GARIN1B: variants seen among roughly 807,000 people sequenced by gnomAD.
GARIN1B encodes golgi associated RAB2 interactor 1B, also known as Golgi-associated RAB2 interactor protein 1B.
the GARIN1B span, chr7:128,719,194 C>G: frequency 9.5e-7 from 1 of 1,047,970 alleles, no homozygotes. Flanking sequence ...GAGGCCTTTT[C>G]TAAACAGCTT....
At chr7:128,726,685 A>T in the GARIN1B span, 1 of 750,472 alleles carries the variant, frequency 1.3e-6, no homozygotes, top group Non-Finnish European at 2.1e-6. Flanking sequence ...CCCATCCAAT[A>T]TAGCCACAGC....
the GARIN1B span, chr7:128,730,972 C>T: frequency 7.8e-5 from 69 of 886,846 alleles, no homozygotes; most frequent in Non-Finnish European, 1.2e-4. Flanking sequence ...CCACCACCAA[C>T]CCTTATAAGA....
At chr7:128,720,375 T>G in the GARIN1B span, among the ~76,000 whole-genome samples, 1 of 151,856 alleles carries the variant, frequency 6.6e-6, no homozygotes, top group African/African-American at 2.4e-5. Flanking sequence ...ATTTTTGTAT[T>G]TTTTGGTAGA....
chr7:128,713,468 C>T, the GARIN1B span, among the ~76,000 whole-genome samples: 2 of 152,112 alleles, frequency 1.3e-5, no homozygotes, highest in African/African-American at 2.4e-5. Flanking sequence ...TTAATAGAGA[C>T]AGGATCTCAT....
the GARIN1B span, among the ~76,000 whole-genome samples, chr7:128,727,374 G>T: frequency 6.6e-6 from 1 of 152,242 alleles, no homozygotes; most frequent in South Asian, 2.1e-4. Flanking sequence ...GCACAAAGAA[G>T]GGGGTCCCTC....
the GARIN1B span, chr7:128,730,960 G>A: frequency 7.6e-6 from 6 of 794,084 alleles, no homozygotes; most frequent in Admixed American, 3.8e-5. Context: ...CACTGGGCCC[G>A]GCCACCACCA....
At chr7:128,730,653 T>G in the GARIN1B span, among the ~76,000 whole-genome samples, 537 of 128,606 alleles carry the variant, frequency 4.2e-3, 1 homozygote, top group Non-Finnish European at 6.5e-3. Context: ...AACCACCAAC[T>G]CTTTTTTTTT....
the GARIN1B span, among the ~76,000 whole-genome samples, chr7:128,721,769 C>CTA: frequency 6.6e-6 from 1 of 152,050 alleles, no homozygotes; most frequent in Admixed American, 6.6e-5. Context: ...CCCTTTCTTC[C>CTA]TATTTATTGA....
the GARIN1B span, among the ~76,000 whole-genome samples, chr7:128,710,736 GT>G: frequency 2.7e-5 from 4 of 150,904 alleles, no homozygotes; most frequent in African/African-American, 9.8e-5. Flanking sequence ...CCAAGCTGGA[GT>G]GCAATGACGC....
chr7:128,711,820 T>C, the GARIN1B span, among the ~76,000 whole-genome samples: 1 of 152,078 alleles, frequency 6.6e-6, no homozygotes, highest in Non-Finnish European at 1.5e-5. Context: ...GTGCGTGGAT[T>C]GCTTGAGGTT....
chr7:128,717,759 T>G, the GARIN1B span, among the ~76,000 whole-genome samples: 642 of 40,396 alleles, frequency 0.016, 6 homozygotes, highest in African/African-American at 0.058. Context: ...GTTTTTTTTG[T>G]TTTTTTTTTT....
the GARIN1B span, chr7:128,730,155 G>A: frequency 2.1e-6 from 3 of 1,437,188 alleles, no homozygotes; most frequent in South Asian, 1.3e-5. Context: ...GGGTCCTGAG[G>A]GTGATTCCAG....
the GARIN1B span, chr7:128,716,859 C>T: frequency 1.2e-6 from 2 of 1,613,748 alleles, no homozygotes; most frequent in South Asian, 2.2e-5. Flanking sequence ...GCTTCCAACA[C>T]CATGGCCCTG....
chr7:128,723,622 G>A, the GARIN1B span, among the ~76,000 whole-genome samples: 2 of 145,730 alleles, frequency 1.4e-5, no homozygotes, highest in Admixed American at 7.0e-5. Flanking sequence ...CGATTCTCCC[G>A]CCTCAGCCTC....
the GARIN1B span, among the ~76,000 whole-genome samples, chr7:128,722,544 G>A: frequency 2.0e-5 from 3 of 152,136 alleles, no homozygotes; most frequent in African/African-American, 4.8e-5. Context: ...GGTGGCTCAC[G>A]CTTATTATCC....
At chr7:128,719,097 A>G in the GARIN1B span, 40 of 1,610,752 alleles carry the variant, frequency 2.5e-5, no homozygotes, top group East Asian at 2.7e-4. Flanking sequence ...AGTGAGCACC[A>G]TTGCCACCCT....
the GARIN1B span, among the ~76,000 whole-genome samples, chr7:128,713,707 G>A: frequency 1.3e-5 from 2 of 152,206 alleles, no homozygotes; most frequent in Non-Finnish European, 2.9e-5. Flanking sequence ...TTCTTCCTCT[G>A]AGGGTTGAAC....
At chr7:128,715,386 A>G in the GARIN1B span, 1 of 1,587,602 alleles carries the variant, frequency 6.3e-7, no homozygotes, top group Non-Finnish European at 8.6e-7. Context: ...CAAGGCCAGG[A>G]GGGGAGACAG....
the GARIN1B span, among the ~76,000 whole-genome samples, chr7:128,727,182 A>T: frequency 6.6e-6 from 1 of 152,186 alleles, no homozygotes; most frequent in Admixed American, 6.5e-5. Context: ...TTATCCATTT[A>T]TTCATTCAAA....
Sources: allele counts gnomAD v4.1 joint callset (sites outside exome capture counted in the v4.1 genomes callset), GRCh38; gene constraint gnomAD v4.1.1; transcripts MANE v1.5; gene names NCBI Gene and HGNC (gene_info 2026-07-23, HGNC 2026-07-21).